TPP2: variants seen among roughly 807,000 people sequenced by gnomAD.
The protein encoded by TPP2 is tripeptidyl-peptidase 2.
Under a neutral mutation model 155.9 loss-of-function variants are expected in TPP2, and 34 were observed. The observed-to-expected ratio is 0.22, with a 90% CI of 0.17 to 0.29. The LOEUF (loss-of-function observed/expected upper bound fraction) is 0.29, where lower values mean the gene tolerates loss of function less well. Ranked by LOEUF, TPP2 falls within the 10% of genes least tolerant of loss-of-function variation. TPP2 has a pLI of 1.00. For synonymous variants in TPP2, 510 were observed against 529.4 expected, an observed-to-expected ratio of 0.96 and a Z score of 0.50; for missense variants, 1,028 against 1,522.3, an observed-to-expected ratio of 0.68 and a Z score of 5.40.
chr13:102,651,408 T>C lies in TPP2; in HGVS notation c.2991+11T>C. 3 of 1,572,410 alleles carry C rather than the reference T, an allele frequency of 1.9e-6. No homozygotes were observed. Among genetic ancestry groups the C allele is most frequent in the East Asian group, 2.3e-5 (1 of 43,226 alleles). On this transcript the variant is annotated intron_variant, in intron 24 of 29. Transcript: ENST00000376052. ...GGAAAATTTAAAAAGGTACTGATTG[T>C]CAGTTCTTAAAAAAGATGTCTTAAA...
At chr13:102,626,329 T>C (rs1339370253) in intron 6 of TPP2, among the ~76,000 whole-genome samples, 1 of 152,254 alleles carries the variant, frequency 6.6e-6, no homozygotes, top group South Asian at 2.1e-4. Context: ...CTTTATCTCA[T>C]AGTACATAGT....
At chr13:102,620,379 A>G (rs1207300797) in intron 5 of TPP2, among the ~76,000 whole-genome samples, 1 of 152,230 alleles carries the variant, frequency 6.6e-6, no homozygotes, top group South Asian at 2.1e-4. Flanking sequence ...ATATAGCATA[A>G]TTATACTTTC....
At chr13:102,625,365 C>T (rs1170329400) in intron 6 of TPP2, among the ~76,000 whole-genome samples, 5 of 151,346 alleles carry the variant, frequency 3.3e-5, no homozygotes, top group South Asian at 2.1e-4. Context: ...GGGGTTTCAC[C>T]GTGTTAGCCA....
In TPP2 at chr13:102,666,626, G is replaced by A. The variant is rs147584274; in HGVS notation, c.3371+1701G>A. Among the ~76,000 whole-genome samples, 337 of 151,698 alleles carry A rather than the reference G, an allele frequency of 2.2e-3. 3 individuals carry two copies. Among genetic ancestry groups the A allele is most frequent in the African/African-American group, 6.9e-3 (287 of 41,312 alleles). On this transcript the variant is annotated intron_variant, in intron 27 of 29. Transcript: ENST00000376052. ...AAAATAATATGATTTTCTCAAACTC[G>A]GGTGTTACATGAAATAACACATATG... is the stretch of plus-strand genomic sequence containing the variant.
chr13:102,666,956 G>T (rs976656778), intron 27 of TPP2, among the ~76,000 whole-genome samples: 3 of 151,900 alleles, frequency 2.0e-5, no homozygotes, highest in Admixed American at 1.3e-4. Flanking sequence ...TGTAATTAAA[G>T]AATTTCTATT....
chr13:102,677,511 A>G (rs1885353658), intron 29 of TPP2, among the ~76,000 whole-genome samples: 1 of 152,142 alleles, frequency 6.6e-6, no homozygotes, highest in Admixed American at 6.5e-5. Context: ...CTCCAGACTT[A>G]TTTCATATCA....
chr13:102,604,472 C>T (rs970736661), intron 1 of TPP2, among the ~76,000 whole-genome samples: 2 of 152,172 alleles, frequency 1.3e-5, no homozygotes, highest in African/African-American at 4.8e-5. Context: ...GAACTGCTTT[C>T]TCGCTATAAG....
intron 26 of TPP2, 129 bp downstream of exon 26, chr13:102,663,873 G>A (rs962694363): frequency 8.4e-6 from 6 of 712,470 alleles, no homozygotes; most frequent in Non-Finnish European, 1.3e-5. Flanking sequence ...ATTGAATGTT[G>A]TGTTAAGCTG....
intron 4 of TPP2, among the ~76,000 whole-genome samples, chr13:102,617,750 T>G (rs1880857101): frequency 1.3e-5 from 2 of 152,232 alleles, no homozygotes; most frequent in Admixed American, 1.3e-4. Flanking sequence ...GACGACTACC[T>G]TTTTCAATAA....
Position 102,648,921 on chromosome 13 carries a change from G to A in TPP2, c.2643G>A (p.Leu881=). 1 of 1,594,322 alleles carries A rather than the reference G, an allele frequency of 6.3e-7. No homozygotes were observed. Among genetic ancestry groups the A allele is most frequent in the Non-Finnish European group, 8.5e-7 (1 of 1,174,434 alleles). Residue 881 remains leucine, a synonymous_variant, in exon 22 of 30, where the codon CTG becomes CTA. Transcript: ENST00000376052. ...TTCTTTTTCAGTATTCTTTGAAACT[G>A]GAGAAAGGAGATTATACAATTCGAC... ...DAYPHQYSLK[L]EKGDYTIRLQ...
chr13:102,658,522 CCA>C (rs1883998627), intron 25 of TPP2, among the ~76,000 whole-genome samples: 1 of 152,084 alleles, frequency 6.6e-6, no homozygotes. Flanking sequence ...ATGCTGGTCC[CCA>C]GTAAAACTAG....
At chr13:102,598,365 G>T (rs1404900696) in intron 1 of TPP2, among the ~76,000 whole-genome samples, 1 of 152,062 alleles carries the variant, frequency 6.6e-6, no homozygotes, top group Non-Finnish European at 1.5e-5. Flanking sequence ...GATTATTGAG[G>T]TAGCATTTTG....
intron 18 of TPP2, 66 bp from the exon 19 acceptor site, chr13:102,644,843 T>G: frequency 6.4e-7 from 1 of 1,564,210 alleles, no homozygotes; most frequent in South Asian, 1.1e-5. Context: ...ACACATTTAT[T>G]TTAGGTACAA....
chr13:102,636,993 C>T (rs942261405), intron 13 of TPP2, 89 bp from the exon 14 acceptor site: 82 of 1,395,358 alleles, frequency 5.9e-5, no homozygotes, highest in South Asian at 1.8e-4. Flanking sequence ...CAAACCAAGT[C>T]GCTAAATTTT....
At chr13:102,629,968 TTATTCTTCCATCG>T in intron 9 of TPP2, 115 bp from the exon 10 acceptor site, 1 of 723,390 alleles carries the variant, frequency 1.4e-6, no homozygotes, top group Non-Finnish European at 2.2e-6. Flanking sequence ...TTATTAAATT[TTATTCTTCCATCG>T]TATTAGAGAG....
chr13:102,651,401 C>G lies in TPP2; in HGVS notation c.2991+4C>G. On this transcript the variant is annotated splice_donor_region_variant and intron_variant, in intron 24 of 29. Transcript: ENST00000376052. ...ACGACAAGGAAAATTTAAAAAGGTA[C>G]TGATTGTCAGTTCTTAAAAAAGATG... 6.3e-7 allele frequency: 1 copy of G among 1,576,216 alleles called. No homozygotes were observed. Among genetic ancestry groups the G allele is most frequent in the Non-Finnish European group, 8.6e-7 (1 of 1,159,942 alleles).
intron 1 of TPP2, among the ~76,000 whole-genome samples, chr13:102,603,974 G>T (rs1879622729): frequency 6.6e-6 from 1 of 152,152 alleles, no homozygotes; most frequent in South Asian, 2.1e-4. Flanking sequence ...TCTAGACAAA[G>T]AATTAACAGG....
rs370811332 is a variant in TPP2 at position 102,674,303 on chromosome 13, C to T, written c.3392C>T (p.Ser1131Phe). The T allele has an allele frequency of 6.5e-5, 105 of 1,613,484 alleles. No individual in the cohort carries two copies. The South Asian group carries it at 1.1e-3, about 16-fold the overall frequency. The change falls in exon 28 of 30, where the codon TCC becomes TTC. Residue 1131 changes from serine to phenylalanine, a missense_variant. Ser to Phe is a radical substitution (Grantham distance 155, BLOSUM62 -2). This residue lies in a region of TPP2 where 116 missense variants were observed against 117.3 expected (regional missense o/e 0.99). Coordinates refer to ENST00000376052, the MANE Select transcript of TPP2 (RefSeq NM_001330588.2). ...TIKNDMDKQK[S>F]TLVDALCRKG... The stretch of plus-strand genomic sequence containing the variant: ...TACAGTGACATGGACAAACAAAAAT[C>T]CACCCTCGTAGATGCCCTTTGTAGG...
intron 2 of TPP2, 119 bp downstream of exon 2, chr13:102,605,040 C>G (rs1879715377): frequency 7.0e-7 from 1 of 1,420,198 alleles, no homozygotes; most frequent in Non-Finnish European, 9.7e-7. Flanking sequence ...TATCAGATTA[C>G]CTCAGAACAT....
Sources: allele counts gnomAD v4.1 joint callset (sites outside exome capture counted in the v4.1 genomes callset), GRCh38; gene constraint gnomAD v4.1.1; regional missense constraint gnomAD v4.1.1; transcripts MANE v1.5; gene names NCBI Gene and HGNC (gene_info 2026-07-23, HGNC 2026-07-21).